SCARB2: variants seen among roughly 807,000 people sequenced by gnomAD.
SCARB2 encodes lysosome membrane protein 2.
Under a neutral mutation model 58.6 loss-of-function variants are expected in SCARB2, and 29 were observed. That is an observed-to-expected ratio of 0.49 (90% CI 0.37 to 0.67). SCARB2 has a LOEUF of 0.67. SCARB2 is among the 30% of genes least tolerant of loss of function. SCARB2 has a pLI of 0.00. For synonymous variants in SCARB2, 195 were observed against 210.1 expected (o/e 0.93, Z 0.62); for missense variants, 488 against 578.5 (o/e 0.84, Z 1.60).
chr4:76,182,911 G>C (rs371776594), intron 2 of SCARB2, among the ~76,000 whole-genome samples: 2 of 151,614 alleles, frequency 1.3e-5, no homozygotes, highest in African/African-American at 4.9e-5. Flanking sequence ...TAACTCTATC[G>C]TCATTGGAGG....
intron 1 of SCARB2, among the ~76,000 whole-genome samples, chr4:76,199,890 G>T (rs1358816286): frequency 1.3e-5 from 2 of 152,190 alleles, no homozygotes; most frequent in Non-Finnish European, 2.9e-5. Context: ...TCAACCTCCT[G>T]CCACAAGATG....
intron 2 of SCARB2, chr4:76,195,038 A>C (rs1334211202): frequency 6.6e-6 from 1 of 152,130 alleles, no homozygotes; most frequent in Non-Finnish European, 1.5e-5. Context: ...TTATGTGGGG[A>C]ATGGAAATGG....
At chr4:76,222,480 G>A (rs1359400373) in intron 1 of SCARB2, among the ~76,000 whole-genome samples, 12 of 152,062 alleles carry the variant, frequency 7.9e-5, no homozygotes, top group Admixed American at 3.9e-4. Context: ...CACCTGCCTC[G>A]GCCTTCCAAA....
upstream of SCARB2, chr4:76,217,778 A>G (rs949392393): frequency 1.7e-5 from 7 of 414,074 alleles, no homozygotes; most frequent in Middle Eastern, 3.1e-4. Flanking sequence ...CTATACCTAA[A>G]ATCAGAAGAC....
chr4:76,187,473 G>A (rs746710547), intron 2 of SCARB2, among the ~76,000 whole-genome samples: 28 of 152,124 alleles, frequency 1.8e-4, no homozygotes, highest in Non-Finnish European at 3.2e-4. Flanking sequence ...GGATCTACAT[G>A]TTCAGGAAAG....
chr4:76,184,735 T>A (rs1310272171), intron 2 of SCARB2: 3 of 365,694 alleles, frequency 8.2e-6, no homozygotes, highest in Non-Finnish European at 1.6e-5. Flanking sequence ...TGAGCTATGA[T>A]CATGCCACTG....
At chr4:76,198,542 A>G (rs1333766666) in intron 1 of SCARB2, among the ~76,000 whole-genome samples, 6 of 152,224 alleles carry the variant, frequency 3.9e-5, no homozygotes. Context: ...CAAGAACAAT[A>G]AAAACTGTCC....
intron 7 of SCARB2, 122 bp downstream of exon 7, chr4:76,174,022 C>G (rs1462592233): frequency 4.0e-6 from 5 of 1,242,086 alleles, no homozygotes; most frequent in Admixed American, 1.7e-5. Context: ...CATCCCACCT[C>G]AGCATCCTTA....
At chr4:76,207,068 C>T (rs74721948) in intron 1 of SCARB2, among the ~76,000 whole-genome samples, 3,654 of 152,266 alleles carry the variant, frequency 0.024, 131 homozygotes, top group African/African-American at 0.083. Context: ...CAACAGTTCT[C>T]AAAGTGTGAT....
At chr4:76,202,644 G>T (rs534174616) in intron 1 of SCARB2, among the ~76,000 whole-genome samples, 3 of 152,216 alleles carry the variant, frequency 2.0e-5, no homozygotes, top group East Asian at 3.9e-4. Flanking sequence ...TTTGGACAAT[G>T]AAGAAAGTAA....
At chr4:76,212,220 TTTC>T (rs1431007445) in intron 1 of SCARB2, among the ~76,000 whole-genome samples, 6 of 152,316 alleles carry the variant, frequency 3.9e-5, no homozygotes, top group African/African-American at 1.2e-4. Context: ...AAGGATTCAG[TTTC>T]TTTTTTCCTT....
At chr4:76,207,119 G>A (rs560020298) in intron 1 of SCARB2, among the ~76,000 whole-genome samples, 2 of 152,222 alleles carry the variant, frequency 1.3e-5, no homozygotes, top group Admixed American at 6.5e-5. Flanking sequence ...CTTAGGAGGC[G>A]CCCACAAGGT....
chr4:76,209,365 T>C (rs1220543278), intron 1 of SCARB2, among the ~76,000 whole-genome samples: 1 of 152,156 alleles, frequency 6.6e-6, no homozygotes, highest in Non-Finnish European at 1.5e-5. Flanking sequence ...CTTCTTTTTT[T>C]ATTTTTATTT....
At chr4:76,176,370 T>C in intron 5 of SCARB2, 67 bp downstream of exon 5, 5 of 1,084,356 alleles carry the variant, frequency 4.6e-6, no homozygotes, top group Non-Finnish European at 7.1e-6. Flanking sequence ...TTAAGCAATG[T>C]AGAAGTAGAC....
chr4:76,211,623 G>A (rs926415904), intron 1 of SCARB2, among the ~76,000 whole-genome samples: 3 of 152,160 alleles, frequency 2.0e-5, no homozygotes, highest in Non-Finnish European at 2.9e-5. Flanking sequence ...AACAGCCCAC[G>A]GTCACCGAGC....
Position 76,213,186 on chromosome 4 carries a change from C to A in SCARB2, c.117+241G>T, listed in dbSNP as rs1733097400. On this transcript the variant is annotated intron_variant, in intron 1 of 11. Coordinates refer to ENST00000264896, the MANE Select transcript of SCARB2 (RefSeq NM_005506.4). Reference sequence around the variant, plus strand: ...GCAAACGACAGAACACAACCGAAGGCCTTTTTAAAAGTCAGGATCCATAGC... The same window carrying A: ...GCAAACGACAGAACACAACCGAAGGACTTTTTAAAAGTCAGGATCCATAGC... The A allele has an allele frequency of 2.3e-5, 12 of 524,902 alleles. No homozygotes were observed. The East Asian group carries it at 3.8e-4, about 17-fold the overall frequency. The allele number at this position is 524,902 out of a possible 1,614,324, so 32.5% of individuals were successfully genotyped here.
chr4:76,204,439 G>A (rs1732890167), intron 1 of SCARB2, among the ~76,000 whole-genome samples: 2 of 152,118 alleles, frequency 1.3e-5, no homozygotes, highest in South Asian at 2.1e-4. Context: ...ACTGTACTTT[G>A]TTTATAAATT....
chr4:76,173,678 T>G (rs2869851), intron 7 of SCARB2: 54,214 of 182,742 alleles, frequency 0.3, 9,720 homozygotes, highest in East Asian at 0.56. Flanking sequence ...ATGTTTTGCA[T>G]GCATTAACTA....
intron 1 of SCARB2, among the ~76,000 whole-genome samples, chr4:76,209,649 G>A (rs59148364): frequency 0.05 from 7,604 of 152,296 alleles, 316 homozygotes; most frequent in African/African-American, 0.12. Flanking sequence ...TAACAGGCGT[G>A]AGCCACCACG....
Sources: allele counts gnomAD v4.1 joint callset (sites outside exome capture counted in the v4.1 genomes callset), GRCh38; gene constraint gnomAD v4.1.1; transcripts MANE v1.5; gene names NCBI Gene and HGNC (gene_info 2026-07-23, HGNC 2026-07-21).